MAN1C1: variants seen among roughly 807,000 people sequenced by gnomAD.
MAN1C1 encodes mannosyl-oligosaccharide 1,2-alpha-mannosidase IC.
MAN1C1 carries 49 observed loss-of-function variants against 71.5 expected under a neutral mutation model. The observed-to-expected ratio is 0.69, with a 90% CI of 0.54 to 0.87. The LOEUF (loss-of-function observed/expected upper bound fraction) is 0.87, where lower values mean the gene tolerates loss of function less well. Among genes scored for constraint, MAN1C1 ranks in the 40% least tolerant of loss-of-function variants. MAN1C1 has a pLI of 0.00. For synonymous variants in MAN1C1, 352 were observed against 343.7 expected, an observed-to-expected ratio of 1.02 and a Z score of -0.27; for missense variants, 743 against 835.0, an observed-to-expected ratio of 0.89 and a Z score of 1.36.
rs780452343 is a variant in MAN1C1, at chr1:25,778,083, C to A, written c.1258-22C>A. The A allele has an allele frequency of 1.3e-6, 2 of 1,525,350 alleles. No homozygotes were observed. The highest frequency in any genetic ancestry group is 2.0e-5 in the Admixed American group (1 of 49,838). The allele number at this position is 1,525,350 out of a possible 1,614,324, so 94.5% of individuals were successfully genotyped here. On this transcript the variant is annotated intron_variant, in intron 8 of 11. Transcript: ENST00000374332. This position sits in a 1 kb window ranked among gnomAD's most constrained non-coding sequence, Gnocchi z 5.5. ...GCCCTCCCACGCCCCTTCTCCCTGC[C>A]CAATCCCCACCTTGCTCCCAGGCGA...
chr1:25,629,105 A>T (rs1470385759), intron 1 of MAN1C1, among the ~76,000 whole-genome samples: 1 of 152,200 alleles, frequency 6.6e-6, no homozygotes, highest in Non-Finnish European at 1.5e-5. Flanking sequence ...CTTTGAGTAG[A>T]TACCCAGTAG....
At chr1:25,691,272 G>A (rs989650910) in intron 2 of MAN1C1, among the ~76,000 whole-genome samples, 2 of 152,100 alleles carry the variant, frequency 1.3e-5, no homozygotes, top group Non-Finnish European at 2.9e-5. Flanking sequence ...AGCCAAGATC[G>A]CGCCACTGCC....
chr1:25,770,632 G>C (rs990783427), intron 7 of MAN1C1, among the ~76,000 whole-genome samples: 1 of 152,190 alleles, frequency 6.6e-6, no homozygotes, highest in Non-Finnish European at 1.5e-5. Flanking sequence ...GGAAGATTAA[G>C]TTATAAATAA....
intron 2 of MAN1C1, among the ~76,000 whole-genome samples, chr1:25,729,246 C>T (rs2046875860): frequency 6.6e-6 from 1 of 152,224 alleles, no homozygotes; most frequent in Non-Finnish European, 1.5e-5. Flanking sequence ...GGCCTTTGCA[C>T]ATGCTGTGCT....
In MAN1C1 at chr1:25,618,223, C is replaced by G; in HGVS notation, c.426C>G (p.Arg142=). Residue 142 remains arginine (R), a synonymous_variant, in exon 1 of 12, where the codon CGC becomes CGG. Transcript: ENST00000374332. The part of the protein sequence containing the change: ...SRPGDEGVPF[R]FDFNAFRSRL... ...CCGGGGACGAGGGCGTCCCTTTCCG[C>G]TTTGACTTCAACGCATTCCGGAGCC... 1 of 1,599,870 alleles carries G rather than the reference C, an allele frequency of 6.3e-7. No homozygotes were observed. Among genetic ancestry groups the G allele is most frequent in the Non-Finnish European group, 8.5e-7 (1 of 1,175,698 alleles).
chr1:25,751,510 C>T (rs1379242326), intron 4 of MAN1C1, among the ~76,000 whole-genome samples: 1 of 152,200 alleles, frequency 6.6e-6, no homozygotes, highest in Non-Finnish European at 1.5e-5. Flanking sequence ...GACAGGAGCA[C>T]CTGTGACTTG....
intron 2 of MAN1C1, among the ~76,000 whole-genome samples, chr1:25,695,558 C>A (rs2046359169): frequency 6.6e-6 from 1 of 152,122 alleles, no homozygotes; most frequent in South Asian, 2.1e-4. Flanking sequence ...CAAAGCACGC[C>A]TCGAAATTAG....
At chr1:25,691,186 A>G (rs144358998) in intron 2 of MAN1C1, among the ~76,000 whole-genome samples, 1 of 152,256 alleles carries the variant, frequency 6.6e-6, no homozygotes, top group East Asian at 1.9e-4. Context: ...ACGTGGTGAC[A>G]TGTGTCTATA....
chr1:25,705,750 G>C (rs2046512737), intron 2 of MAN1C1, among the ~76,000 whole-genome samples: 1 of 152,186 alleles, frequency 6.6e-6, no homozygotes, highest in South Asian at 2.1e-4. Flanking sequence ...GACCTGGAAA[G>C]TCTACGACTT....
chr1:25,625,696 C>T (rs2045284037), intron 1 of MAN1C1, among the ~76,000 whole-genome samples: 1 of 152,018 alleles, frequency 6.6e-6, no homozygotes, highest in African/African-American at 2.4e-5. Context: ...TAGTGTACAC[C>T]TGTGTTCCCA....
chr1:25,666,230 T>C (rs75584859), intron 1 of MAN1C1, among the ~76,000 whole-genome samples: 3,586 of 152,332 alleles, frequency 0.024, 147 homozygotes, highest in African/African-American at 0.081. Context: ...ACGGTTTAAA[T>C]AGCCATAGCT....
At chr1:25,767,981 C>T (rs1416751015) in intron 7 of MAN1C1, among the ~76,000 whole-genome samples, 1 of 104,038 alleles carries the variant, frequency 9.6e-6, no homozygotes, top group Non-Finnish European at 2.0e-5. Flanking sequence ...TCACACACAC[C>T]ACACACACAT....
rs771258387 is a variant in MAN1C1, at chr1:25,778,137, C to A, written c.1290C>A (p.Pro430=). The A allele has an allele frequency of 6.3e-7, 1 of 1,590,026 alleles. No homozygotes were observed. Among genetic ancestry groups the A allele is most frequent in the South Asian group, 1.1e-5 (1 of 88,528 alleles). ...AGACCTACTTGCTGAATGTCTCTCC[C>A]GGGGGGCTGACCTACATTGCCGAGT... ...AIETYLLNVS[P]GGLTYIAEWR... The change falls in exon 9 of 12, where the codon CCC becomes CCA. Residue 430 remains proline (P), a synonymous_variant. Coordinates refer to ENST00000374332, the MANE Select transcript of MAN1C1 (RefSeq NM_020379.4). The surrounding 1 kb of genome is among the most constrained non-coding windows in gnomAD (Gnocchi z 5.5).
intron 2 of MAN1C1, among the ~76,000 whole-genome samples, chr1:25,718,924 A>C (rs992879758): frequency 6.6e-6 from 1 of 151,672 alleles, no homozygotes; most frequent in Non-Finnish European, 1.5e-5. Flanking sequence ...ATATGTTTTT[A>C]TTTCTCTTGG....
intron 6 of MAN1C1, among the ~76,000 whole-genome samples, chr1:25,762,979 C>A (rs1463962465): frequency 6.6e-6 from 1 of 151,946 alleles, no homozygotes; most frequent in Non-Finnish European, 1.5e-5. Flanking sequence ...TAAAAGAACC[C>A]TCCCTAGGCC....
At chr1:25,686,626 T>C (rs2046235758) in intron 2 of MAN1C1, 90 bp downstream of exon 2, 1 of 1,101,358 alleles carries the variant, frequency 9.1e-7, no homozygotes, top group African/African-American at 1.5e-5. Flanking sequence ...TTTCACCTCC[T>C]GAGCTGTGGG....
chr1:25,701,331 C>T (rs2046439891), intron 2 of MAN1C1, among the ~76,000 whole-genome samples: 1 of 152,168 alleles, frequency 6.6e-6, no homozygotes, highest in Non-Finnish European at 1.5e-5. Context: ...GCAGGAAGGG[C>T]ATAGCCATGG....
At chr1:25,679,013 G>C (rs2046108216) in intron 1 of MAN1C1, among the ~76,000 whole-genome samples, 1 of 152,028 alleles carries the variant, frequency 6.6e-6, no homozygotes. Flanking sequence ...AGACGAGAGA[G>C]AGAGAGAGAA....
At chr1:25,650,559 C>G (rs909373955) in intron 1 of MAN1C1, among the ~76,000 whole-genome samples, 1 of 152,176 alleles carries the variant, frequency 6.6e-6, no homozygotes, top group Non-Finnish European at 1.5e-5. Context: ...CCAGGTATGG[C>G]CTGCTTGACT....
Sources: gnomAD v4.1 joint callset for allele counts (sites outside exome capture counted in the v4.1 genomes callset) on GRCh38, gnomAD v4.1.1 for gene constraint, Gnocchi (gnomAD v3.1) non-coding constraint, MANE v1.5 for transcripts, NCBI Gene and HGNC (gene_info 2026-07-23, HGNC 2026-07-21) for gene names.